The following POLK variants were observed in gnomAD, a reference collection of about 807,000 sequenced individuals.
POLK encodes DNA polymerase kappa.
A neutral mutation model predicts 94.0 loss-of-function variants in POLK; 76 were observed. That is an observed-to-expected ratio of 0.81 (90% CI 0.67 to 0.98). The LOEUF (loss-of-function observed/expected upper bound fraction) is 0.98. POLK is among the 50% of genes least tolerant of loss of function. POLK has a pLI of 0.00. For synonymous variants in POLK, 349 were observed against 325.4 expected (o/e 1.07, Z -0.78); for missense variants, 954 against 1,010.1 (o/e 0.94, Z 0.75).
intron 6 of POLK, among the ~76,000 whole-genome samples, chr5:75,580,796 G>A (rs1772154688): frequency 2.0e-5 from 3 of 149,118 alleles, no homozygotes; most frequent in African/African-American, 4.9e-5. Context: ...ATTATATATT[G>A]TTTATTATAT....
intron 3 of POLK, among the ~76,000 whole-genome samples, chr5:75,567,723 G>A (rs1349373852): frequency 6.6e-6 from 1 of 152,178 alleles, no homozygotes; most frequent in Admixed American, 6.5e-5. Flanking sequence ...AAATTCTGTG[G>A]CACAGAGGAC....
chr5:75,516,216 C>G (rs1392563413), intron 1 of POLK, among the ~76,000 whole-genome samples: 1 of 152,118 alleles, frequency 6.6e-6, no homozygotes, highest in African/African-American at 2.4e-5. Context: ...TGTGAAGAAG[C>G]TTTTTAGCTT....
intron 1 of POLK, among the ~76,000 whole-genome samples, chr5:75,517,368 C>G (rs7701166): frequency 0.98 from 149,895 of 152,280 alleles, 73,781 homozygotes; most frequent in East Asian, 1. Context: ...ATAATTGCTT[C>G]GTATTTTATA....
intron 3 of POLK, among the ~76,000 whole-genome samples, chr5:75,553,613 A>G (rs1471332007): frequency 6.6e-6 from 1 of 152,174 alleles, no homozygotes; most frequent in Non-Finnish European, 1.5e-5. Flanking sequence ...TTTATTTACC[A>G]TATCCCACCT....
At chr5:75,517,217 C>A (rs1435190104) in intron 1 of POLK, among the ~76,000 whole-genome samples, 1 of 152,164 alleles carries the variant, frequency 6.6e-6, no homozygotes, top group Non-Finnish European at 1.5e-5. Context: ...TGCATTGAAT[C>A]TGAAAATTGT....
intron 9 of POLK, among the ~76,000 whole-genome samples, chr5:75,586,820 T>G (rs548237012): frequency 1.3e-5 from 2 of 152,314 alleles, no homozygotes; most frequent in Non-Finnish European, 2.9e-5. Flanking sequence ...TCAATAGATA[T>G]AGACTTGATT....
intron 2 of POLK, among the ~76,000 whole-genome samples, chr5:75,551,465 A>C (rs1010858007): frequency 6.6e-6 from 1 of 152,172 alleles, no homozygotes; most frequent in Non-Finnish European, 1.5e-5. Flanking sequence ...TGTAAAACAC[A>C]TATGTGATAA....
At chr5:75,580,505 A>T (rs1772138260) in intron 6 of POLK, 1 of 313,500 alleles carries the variant, frequency 3.2e-6, no homozygotes, top group Non-Finnish European at 4.6e-6. Context: ...AATAGTTTAT[A>T]GCCTATTAAT....
intron 12 of POLK, among the ~76,000 whole-genome samples, chr5:75,595,716 T>A (rs1053381847): frequency 2.0e-5 from 3 of 152,190 alleles, no homozygotes; most frequent in African/African-American, 7.2e-5. Flanking sequence ...ATGTAAGCTA[T>A]GGACTTTGAG....
At chr5:75,573,987 C>A (rs1008474554) in intron 5 of POLK, 118 bp downstream of exon 5, 51 of 849,260 alleles carry the variant, frequency 6.0e-5, no homozygotes, top group Non-Finnish European at 8.9e-5. Context: ...TTCAGTTGAG[C>A]CTCCTATCAC....
intron 3 of POLK, 136 bp from the exon 4 acceptor site, chr5:75,569,204 A>AATGGATGG (rs972243633): frequency 1.6e-6 from 1 of 610,838 alleles, no homozygotes; most frequent in Non-Finnish European, 2.8e-6. Context: ...TGGATGGATG[A>AATGGATGG]ATGGATGGAT....
In POLK at chr5:75,569,505, C is replaced by A. The variant is rs758190980; in HGVS notation, c.408+13C>A. 6.3e-7 allele frequency: 1 copy of A among 1,592,972 alleles called. No individual in the cohort carries two copies. The highest frequency in any genetic ancestry group is 1.1e-5 in the South Asian group (1 of 87,368). On this transcript the variant is annotated intron_variant, in intron 4 of 14. Coordinates refer to ENST00000241436, the Ensembl canonical transcript of POLK. ...AATGAGTATGCTGGTAAGTAAAGAT[C>A]AAATACAAAAAGGAAATTTTATAAC...
intron 13 of POLK, 43 bp from the exon 14 acceptor site, chr5:75,597,704 A>T (rs770652856): frequency 8.8e-7 from 1 of 1,134,212 alleles, no homozygotes; most frequent in South Asian, 1.7e-5. Flanking sequence ...TAATTATTTC[A>T]TATTATTCAT....
At chr5:75,536,462 G>C (rs1211767808) in intron 1 of POLK, among the ~76,000 whole-genome samples, 1 of 152,184 alleles carries the variant, frequency 6.6e-6, no homozygotes, top group Non-Finnish European at 1.5e-5. Context: ...CAAGAGGCAG[G>C]GTGGGTTGAA....
upstream of POLK, chr5:75,511,547 G>A (rs753622152): frequency 4.8e-6 from 7 of 1,459,286 alleles, no homozygotes; most frequent in East Asian, 2.5e-5. Flanking sequence ...GGGAAAAGAA[G>A]GGAAGAGAAA....
intron 3 of POLK, among the ~76,000 whole-genome samples, chr5:75,567,980 G>A (rs1245052113): frequency 2.6e-5 from 4 of 152,184 alleles, no homozygotes; most frequent in Non-Finnish European, 5.9e-5. Context: ...CGACTAGTGG[G>A]CAGCTAGTGT....
At position 75,561,102 on chromosome 5, in the gene POLK, A is replaced by G. The variant is rs192776062; in HGVS notation, c.256-8238A>G. Among the ~76,000 whole-genome samples the G allele has an allele frequency of 5.6e-4, 85 of 152,258 alleles. 1 individual carries two copies. Among genetic ancestry groups the G allele is most frequent in the African/African-American group, 1.9e-3 (80 of 41,542 alleles). ...AGGAATCGCCACACTGTCTTCCACAATGGTTGAACTAATTTACACTCCCAC... is the reference window on the plus strand; with the variant it reads ...AGGAATCGCCACACTGTCTTCCACAGTGGTTGAACTAATTTACACTCCCAC... On this transcript the variant is annotated intron_variant, in intron 3 of 14. Coordinates refer to ENST00000241436, the Ensembl canonical transcript of POLK.
At chr5:75,564,529 G>A (rs1011103710) in intron 3 of POLK, among the ~76,000 whole-genome samples, 3 of 152,162 alleles carry the variant, frequency 2.0e-5, no homozygotes, top group Admixed American at 6.6e-5. Context: ...GCCTGGTACC[G>A]GTTTTTCCTT....
At chr5:75,533,867 T>G (rs1349986312) in intron 1 of POLK, among the ~76,000 whole-genome samples, 7 of 152,240 alleles carry the variant, frequency 4.6e-5, no homozygotes, top group Admixed American at 4.6e-4. Context: ...TGGGATTGCA[T>G]TCCTGATTTG....
Sources: allele counts gnomAD v4.1 joint callset (sites outside exome capture counted in the v4.1 genomes callset), GRCh38; gene constraint gnomAD v4.1.1; transcripts MANE v1.5; gene names NCBI Gene and HGNC (gene_info 2026-07-23, HGNC 2026-07-21).